The following PDE4D variants were observed in gnomAD, a reference collection of about 807,000 sequenced individuals.
PDE4D encodes the protein 3',5'-cyclic-AMP phosphodiesterase 4D.
Under a neutral mutation model 87.4 loss-of-function variants are expected in PDE4D, and 24 were observed. That is an observed-to-expected ratio of 0.27 (90% CI 0.20 to 0.39). The LOEUF is 0.39. Among genes scored for constraint, PDE4D ranks in the 10% least tolerant of loss-of-function variants. The pLI is 1.00. For missense variants in PDE4D, 714 were observed against 1,041.0 expected, an observed-to-expected ratio of 0.69 and a Z score of 4.32; for synonymous variants, 384 against 383.2, an observed-to-expected ratio of 1.00 and a Z score of -0.02.
chr5:60,315,541 T>G (rs1755489604), intron 1 of PDE4D, among the ~76,000 whole-genome samples: 1 of 152,220 alleles, frequency 6.6e-6, no homozygotes, highest in African/African-American at 2.4e-5. Flanking sequence ...TTTTGGTGTT[T>G]TAGACATGAA....
intron 6 of PDE4D, among the ~76,000 whole-genome samples, chr5:59,030,608 A>G (rs1365022543): frequency 6.6e-6 from 1 of 151,616 alleles, no homozygotes; most frequent in Admixed American, 6.6e-5. Context: ...GGTGGCACAC[A>G]CCTGTAGTCC....
intron 1 of PDE4D, among the ~76,000 whole-genome samples, chr5:59,458,946 C>A (rs150941164): frequency 6.6e-6 from 1 of 152,076 alleles, no homozygotes. Flanking sequence ...AAATTAACTA[C>A]GAAGTTGTTT....
chr5:60,408,531 T>C (rs1046760744), intron 1 of PDE4D, among the ~76,000 whole-genome samples: 15 of 152,236 alleles, frequency 9.9e-5, no homozygotes, highest in African/African-American at 3.6e-4. Context: ...ACATAATTTC[T>C]GAAGCACTGC....
At chr5:59,010,773 C>T (rs1438524832) in intron 6 of PDE4D, among the ~76,000 whole-genome samples, 1 of 151,994 alleles carries the variant, frequency 6.6e-6, no homozygotes, top group Non-Finnish European at 1.5e-5. Flanking sequence ...GCATTTCCAA[C>T]TGAGCTTTGA....
intron 1 of PDE4D, among the ~76,000 whole-genome samples, chr5:59,502,108 C>T (rs1259971771): frequency 2.0e-5 from 3 of 152,090 alleles, no homozygotes; most frequent in South Asian, 4.1e-4. Flanking sequence ...CTTTATATCC[C>T]TCCTGTCTCC....
At chr5:60,492,758 G>A (rs868796454), upstream of PDE4D, among the ~76,000 whole-genome samples, 1 of 152,154 alleles carries the variant, frequency 6.6e-6, no homozygotes, top group Non-Finnish European at 1.5e-5. Context: ...AGGGGGCTGA[G>A]GGAGGGATAG....
chr5:59,529,309 TAAAAAAAG>T (rs1417349803), intron 1 of PDE4D: 5 of 310,948 alleles, frequency 1.6e-5, no homozygotes, highest in Admixed American at 6.8e-5. Flanking sequence ...TATTAATCAT[TAAAAAAAG>T]AAAGAAAGGA....
intron 1 of PDE4D, among the ~76,000 whole-genome samples, chr5:60,498,480 C>T (rs1309089776): frequency 6.6e-6 from 1 of 152,074 alleles, no homozygotes; most frequent in East Asian, 1.9e-4. Flanking sequence ...ACAAGAATAC[C>T]TTCACCCCAG....
chr5:59,293,425 G>A (rs1768436001), intron 1 of PDE4D, among the ~76,000 whole-genome samples: 1 of 152,006 alleles, frequency 6.6e-6, no homozygotes, highest in South Asian at 2.1e-4. Context: ...TTTGAACAGG[G>A]TTAGGTTCTT....
intron 1 of PDE4D, among the ~76,000 whole-genome samples, chr5:60,323,588 T>G (rs1756506060): frequency 6.6e-6 from 1 of 152,100 alleles, no homozygotes; most frequent in South Asian, 2.1e-4. Flanking sequence ...CACCAATACT[T>G]ATGTGCCAAG....
chr5:60,298,181 C>A (rs1462111350), intron 1 of PDE4D, among the ~76,000 whole-genome samples: 1 of 151,702 alleles, frequency 6.6e-6, no homozygotes, highest in Non-Finnish European at 1.5e-5. Context: ...GAAAAAATTC[C>A]AATTAACTTA....
intron 2 of PDE4D, among the ~76,000 whole-genome samples, chr5:60,059,532 A>G (rs1484576190): frequency 6.6e-6 from 1 of 152,046 alleles, no homozygotes; most frequent in Admixed American, 6.6e-5. Context: ...AAGCAGATAA[A>G]GAAGAGATAG....
At chr5:60,164,117 T>C (rs2149468460) in intron 2 of PDE4D, among the ~76,000 whole-genome samples, 1 of 152,338 alleles carries the variant, frequency 6.6e-6, no homozygotes, top group African/African-American at 2.4e-5. Flanking sequence ...TATAACACTT[T>C]GTTTTTAAGG....
At chr5:60,175,227 A>AT (rs960078729) in intron 2 of PDE4D, among the ~76,000 whole-genome samples, 8 of 151,400 alleles carry the variant, frequency 5.3e-5, no homozygotes, top group African/African-American at 1.7e-4. Context: ...GCCCAAAGAC[A>AT]TTTTTTAATC....
chr5:59,596,251 C>CAT (rs1010774676), intron 1 of PDE4D, among the ~76,000 whole-genome samples: 9 of 148,270 alleles, frequency 6.1e-5, no homozygotes, highest in South Asian at 4.2e-4. Flanking sequence ...ATGTATATTA[C>CAT]ATATATATAT....
In PDE4D at chr5:60,287,620, A is replaced by G. The variant is rs1023311350; in HGVS notation, c.-89-101933T>C. Among the ~76,000 whole-genome samples the G allele has an allele frequency of 2.0e-5, 3 of 152,164 alleles. No individual in the cohort carries two copies. The South Asian group carries it at 6.2e-4, about 31-fold the overall frequency. ...TACACGTGCCTATTCACATTTCTGA[A>G]TGTAAAAATCCTACCCAGCTCAAAT... On this transcript the variant is annotated intron_variant, in intron 1 of 16. Coordinates refer to the PDE4D transcript ENST00000502484.
rs1743306563 is a variant in PDE4D, at chr5:58,974,813, T to A, written c.2281A>T (p.Ser761Cys). 6.2e-7 allele frequency: 1 copy of A among 1,613,610 alleles called. No homozygotes were observed. Residue 761 changes from serine to cysteine, a missense_variant, in exon 15 of 15, where the codon AGC becomes TGC. Physicochemically the swap from Ser to Cys is moderately radical, Grantham distance 112 (BLOSUM62 -1). Around this residue, in one of 7 missense-constraint regions of PDE4D, gnomAD observed 90 missense variants for 95.3 expected, o/e 0.94. Transcript: ENST00000340635. ...CAAAGAGTCTTGGAGTCACTGCAGC[T>A]AGTGTCTTCTTCCACTTGACTGCCA... ...DSGSQVEEDT[S>C]CSDSKTLCTQ...
At chr5:60,502,983 T>G (rs1285518391) in intron 1 of PDE4D, among the ~76,000 whole-genome samples, 1 of 152,118 alleles carries the variant, frequency 6.6e-6, no homozygotes, top group Non-Finnish European at 1.5e-5. Flanking sequence ...TTTTAGAACC[T>G]TACAACAAGG....
intron 2 of PDE4D, among the ~76,000 whole-genome samples, chr5:60,094,986 A>G (rs1196524582): frequency 6.6e-6 from 1 of 152,186 alleles, no homozygotes; most frequent in Non-Finnish European, 1.5e-5. Flanking sequence ...AGCACTTGGC[A>G]TGAAGCAAGA....
Sources: gnomAD v4.1 joint callset for allele counts (sites outside exome capture counted in the v4.1 genomes callset) on GRCh38, gnomAD v4.1.1 for gene constraint, gnomAD v4.1.1 regional missense constraint, MANE v1.5 for transcripts, NCBI Gene and HGNC (gene_info 2026-07-23, HGNC 2026-07-21) for gene names.